FAT3: variants seen among roughly 807,000 people sequenced by gnomAD.
The protein encoded by FAT3 is protocadherin Fat 3.
Under a neutral mutation model 310.2 loss-of-function variants are expected in FAT3, and 95 were observed. That is an observed-to-expected ratio of 0.31 (90% CI 0.26 to 0.36). The LOEUF (loss-of-function observed/expected upper bound fraction) is 0.36. FAT3 is among the 10% of genes least tolerant of loss of function. The pLI is 1.00. For missense variants in FAT3, 5,408 were observed against 5,715.6 expected, an observed-to-expected ratio of 0.95 and a Z score of 1.74; for synonymous variants, 2,314 against 2,192.9, an observed-to-expected ratio of 1.06 and a Z score of -1.54.
intron 3 of FAT3, among the ~76,000 whole-genome samples, chr11:92,568,947 T>A (rs1227804126): frequency 4.6e-5 from 7 of 152,182 alleles, no homozygotes; most frequent in Non-Finnish European, 1.0e-4. Flanking sequence ...CTCACTAGAC[T>A]GTAAACTGGT....
At chr11:92,556,191 C>G (rs879769305) in intron 3 of FAT3, among the ~76,000 whole-genome samples, 1 of 152,204 alleles carries the variant, frequency 6.6e-6, no homozygotes, top group Non-Finnish European at 1.5e-5. Context: ...AGGCTATTCT[C>G]CTGTTCTGCA....
intron 1 of FAT3, among the ~76,000 whole-genome samples, chr11:92,258,889 A>G (rs1218449645): frequency 2.0e-5 from 3 of 151,982 alleles, no homozygotes; most frequent in African/African-American, 7.2e-5. Context: ...AAGAGCCAAC[A>G]CTTTAACCAC....
rs550101493 is a variant in FAT3 at position 92,674,182 on chromosome 11, A to AAATAATAATAAT, written c.3608-23175_3608-23164dup. Among the ~76,000 whole-genome samples the AAATAATAATAAT allele has an allele frequency of 1.7e-3, 243 of 140,938 alleles. 1 individual carries two copies. Among genetic ancestry groups the AAATAATAATAAT allele is most frequent in the Non-Finnish European group, 2.2e-3 (147 of 65,436 alleles). 92.5% of individuals were successfully genotyped at this position (140,938 alleles called of 152,430 possible). A position where few individuals can be genotyped will look rare whatever the true frequency, so the allele number is the denominator to read the frequency against. Reference sequence around the variant, plus strand: ...GTTGACAGAGTGAGACTCCATCTCAAAATAATAATAATAATAATAATAATA... The same window carrying AAATAATAATAAT: ...GTTGACAGAGTGAGACTCCATCTCAAAATAATAATAATAATAATAATAATAATAATAATAATA... On this transcript the variant is annotated intron_variant, in intron 3 of 27. Transcript: ENST00000525166.
chr11:92,718,027 G>A (rs1944739825), intron 4 of FAT3, among the ~76,000 whole-genome samples: 2 of 152,092 alleles, frequency 1.3e-5, no homozygotes, highest in African/African-American at 4.8e-5. Context: ...CTTGGGTCTG[G>A]GCTGGCTTGG....
chr11:92,829,204 T>A (rs999070869), intron 13 of FAT3, among the ~76,000 whole-genome samples: 1 of 152,240 alleles, frequency 6.6e-6, no homozygotes, highest in East Asian at 1.9e-4. Flanking sequence ...CTAAAAATGC[T>A]GGTTGCACCA....
intron 3 of FAT3, among the ~76,000 whole-genome samples, chr11:92,670,765 G>A (rs1943102591): frequency 6.6e-6 from 1 of 152,174 alleles, no homozygotes; most frequent in Admixed American, 6.5e-5. Flanking sequence ...CACACCTGTG[G>A]CAGGGAAGTG....
rs193211782 is a variant in FAT3 at position 92,490,045 on chromosome 11, G to T, written c.3293-34589G>T. Among the ~76,000 whole-genome samples, 3 of 152,136 alleles carry T rather than the reference G, an allele frequency of 2.0e-5. No individual in the cohort carries two copies. In the East Asian group the frequency reaches 5.8e-4, roughly 30 times the overall value. On this transcript the variant is annotated intron_variant, in intron 2 of 27. Coordinates refer to ENST00000525166, the MANE Select transcript of FAT3 (RefSeq NM_001367949.2). ...TGTCTGGGTTTAATTAAGAGATTCT[G>T]CATGCAGTATGGAAAGAGCCCATCT...
chr11:92,786,458 C>CA (rs1043705778), intron 7 of FAT3, among the ~76,000 whole-genome samples: 1 of 151,792 alleles, frequency 6.6e-6, no homozygotes, highest in Non-Finnish European at 1.5e-5. Flanking sequence ...AATAATTTAA[C>CA]AAAAAAAGAA....
At chr11:92,526,621 T>C (rs1261877313) in intron 3 of FAT3, among the ~76,000 whole-genome samples, 1 of 152,218 alleles carries the variant, frequency 6.6e-6, no homozygotes, top group East Asian at 1.9e-4. Flanking sequence ...GGGTTGGATG[T>C]GAAGTTCAGA....
At chr11:92,884,919 A>G (rs1043531780) in intron 24 of FAT3, among the ~76,000 whole-genome samples, 4 of 152,188 alleles carry the variant, frequency 2.6e-5, no homozygotes, top group African/African-American at 9.7e-5. Context: ...CCTGGAGATG[A>G]CTACATGTGG....
chr11:92,518,310 T>C (rs574699919), intron 2 of FAT3, among the ~76,000 whole-genome samples: 11 of 152,226 alleles, frequency 7.2e-5, no homozygotes, highest in African/African-American at 2.2e-4. Context: ...GTGACACATA[T>C]ACACCATGGA....
intron 1 of FAT3, among the ~76,000 whole-genome samples, chr11:92,323,662 G>A (rs971511692): frequency 2.1e-5 from 3 of 145,926 alleles, no homozygotes; most frequent in Non-Finnish European, 4.5e-5. Context: ...ATAAACAGAT[G>A]TGCTGTCACC....
chr11:92,359,843 T>C (rs1417319995), intron 2 of FAT3, among the ~76,000 whole-genome samples: 1 of 141,420 alleles, frequency 7.1e-6, no homozygotes, highest in African/African-American at 2.7e-5. Flanking sequence ...TATTCCATGG[T>C]GTATATGTGC....
Position 92,861,678 on chromosome 11 carries a change from T to C in FAT3, c.11658+2356T>C, listed in dbSNP as rs537986173. Reference sequence around the variant, plus strand: ...AGCAGGACACAGCTGTACTAAACTATTGCAGTTATTCTCCTACAGTCGCCA... The same window carrying C: ...AGCAGGACACAGCTGTACTAAACTACTGCAGTTATTCTCCTACAGTCGCCA... On this transcript the variant is annotated intron_variant, in intron 21 of 27. Coordinates refer to ENST00000525166, the MANE Select transcript of FAT3 (RefSeq NM_001367949.2). 6.6e-5 allele frequency among the ~76,000 whole-genome samples: 10 copies of C among 152,366 alleles called. No individual in the cohort carries two copies. In the South Asian group the frequency reaches 2.1e-3, roughly 32 times the overall value.
At chr11:92,347,915 T>C (rs1948458754) in intron 1 of FAT3, among the ~76,000 whole-genome samples, 1 of 152,204 alleles carries the variant, frequency 6.6e-6, no homozygotes, top group African/African-American at 2.4e-5. Context: ...CTGTATCATA[T>C]TGGCTTCACA....
At position 92,882,796 on chromosome 11, in the gene FAT3, G is replaced by A. The variant is rs907878274; in HGVS notation, c.12340G>A (p.Val4114Met). Residue 4114 changes from valine to methionine, a missense_variant, in exon 24 of 28, where the codon GTG becomes ATG. By Grantham distance (21) the Val-to-Met change is conservative. This residue lies in a region of FAT3 where 649 missense variants were observed against 666.2 expected (regional missense o/e 0.97). Coordinates refer to ENST00000525166, the MANE Select transcript of FAT3 (RefSeq NM_001367949.2). ...REECENGGSC[V>M]NVFGSFLCNC... ...GGAGTGTGAGAACGGAGGCTCCTGCGTGAACGTGTTCGGCTCCTTCCTCTG... is the reference window on the plus strand; with the variant it reads ...GGAGTGTGAGAACGGAGGCTCCTGCATGAACGTGTTCGGCTCCTTCCTCTG... The A allele has an allele frequency of 5.6e-6, 9 of 1,612,042 alleles. No homozygotes were observed. Among genetic ancestry groups the A allele is most frequent in the South Asian group, 1.1e-5 (1 of 90,290 alleles).
chr11:92,628,201 T>C lies in FAT3; in HGVS notation c.3608-69183T>C, dbSNP rs1671212425. On this transcript the variant is annotated intron_variant, in intron 3 of 27. Coordinates refer to ENST00000525166, the MANE Select transcript of FAT3 (RefSeq NM_001367949.2). ...CCCTTTGGTATATTTAGCAAATAGT[T>C]CCTGAAATCATTGTTTAAGTAACTT... 2.0e-5 allele frequency among the ~76,000 whole-genome samples: 3 copies of C among 152,246 alleles called. No homozygotes were observed. The South Asian group carries it at 6.2e-4, about 31-fold the overall frequency.
chr11:92,697,080 G>A (rs1370624318), intron 3 of FAT3, among the ~76,000 whole-genome samples: 9 of 152,140 alleles, frequency 5.9e-5, no homozygotes, highest in Non-Finnish European at 8.8e-5. Context: ...TCAGTCATAT[G>A]CAAATGAATC....
rs78099312 is a variant in FAT3 at position 92,831,080 on chromosome 11, A to G, written c.9482-542A>G. ...GAGCAGAAGCCAGAGGGATCCTGTT[A>G]AAATCTACATCACATCTCATGACTC... On this transcript the variant is annotated intron_variant, in intron 13 of 27. Transcript: ENST00000525166. 3.9e-5 allele frequency among the ~76,000 whole-genome samples: 6 copies of G among 152,172 alleles called. No homozygotes were observed. In the East Asian group the frequency reaches 1.2e-3, roughly 30 times the overall value.
Sources: allele counts gnomAD v4.1 joint callset (sites outside exome capture counted in the v4.1 genomes callset), GRCh38; gene constraint gnomAD v4.1.1; regional missense constraint gnomAD v4.1.1; transcripts MANE v1.5; gene names NCBI Gene and HGNC (gene_info 2026-07-23, HGNC 2026-07-21).